The following DPP6 variants were observed in gnomAD, a reference collection of about 807,000 sequenced individuals.
The protein encoded by DPP6 is dipeptidyl peptidase like 6, also known as A-type potassium channel modulatory protein DPP6.
Under a neutral mutation model 122.6 loss-of-function variants are expected in DPP6, and 69 were observed. That is an observed-to-expected ratio of 0.56 (90% CI 0.46 to 0.69). The LOEUF (loss-of-function observed/expected upper bound fraction) is 0.69. Ranked by LOEUF, DPP6 falls within the 30% of genes least tolerant of loss-of-function variation. The probability of loss-of-function intolerance (pLI) is 0.00; values close to 1 mark genes in which losing one functional copy is unlikely to be tolerated. For synonymous variants in DPP6, 418 were observed against 433.1 expected (o/e 0.97, Z 0.43); for missense variants, 928 against 1,116.9 (o/e 0.83, Z 2.41).
chr7:153,918,566 GTCTCTCTCTCTCTCTCTCTCTC>G (rs59605527), intron 1 of DPP6, among the ~76,000 whole-genome samples: 3,675 of 104,296 alleles, frequency 0.035, 194 homozygotes, highest in African/African-American at 0.13. Flanking sequence ...CACACACACA[GTCTCTCTCTCTCTCTCTCTCTC>G]TCTCTCTCTC....
At chr7:154,594,464 G>A (rs923179660) in intron 5 of DPP6, among the ~76,000 whole-genome samples, 1 of 152,056 alleles carries the variant, frequency 6.6e-6, no homozygotes, top group Non-Finnish European at 1.5e-5. Context: ...ATGAATAAAA[G>A]GAAATTAGTT....
intron 1 of DPP6, among the ~76,000 whole-genome samples, chr7:153,983,609 C>G (rs1239628933): frequency 2.6e-5 from 4 of 151,906 alleles, no homozygotes; most frequent in African/African-American, 7.2e-5. Context: ...AAAAACTCCT[C>G]CAGCTAGCTT....
intron 1 of DPP6, among the ~76,000 whole-genome samples, chr7:153,932,564 C>T (rs1269486829): frequency 2.0e-5 from 3 of 152,142 alleles, no homozygotes; most frequent in African/African-American, 7.2e-5. Flanking sequence ...ATTGTCTTCT[C>T]TCATGTGTGG....
chr7:153,901,561 CTAATGA>C (rs1249175705), intron 1 of DPP6, among the ~76,000 whole-genome samples: 1 of 152,212 alleles, frequency 6.6e-6, no homozygotes, highest in Non-Finnish European at 1.5e-5. Flanking sequence ...GATAGGTCAA[CTAATGA>C]TAATGAAGAA....
At chr7:154,651,480 T>A (rs984106724) in intron 6 of DPP6, among the ~76,000 whole-genome samples, 1 of 152,114 alleles carries the variant, frequency 6.6e-6, no homozygotes, top group African/African-American at 2.4e-5. Flanking sequence ...TCCCCTTCCG[T>A]GGGCTAAACA....
At chr7:154,812,518 A>G (rs1046588698) in intron 16 of DPP6, among the ~76,000 whole-genome samples, 6 of 152,146 alleles carry the variant, frequency 3.9e-5, no homozygotes, top group Non-Finnish European at 7.4e-5. Flanking sequence ...CTTCTGGGTC[A>G]CAGATGACCA....
intron 5 of DPP6, among the ~76,000 whole-genome samples, chr7:154,576,396 A>G (rs1357568669): frequency 4.0e-5 from 6 of 151,884 alleles, no homozygotes; most frequent in Non-Finnish European, 7.4e-5. Context: ...GTCCCTTCCA[A>G]ATTCAGGGCC....
intron 2 of DPP6, among the ~76,000 whole-genome samples, chr7:154,458,746 A>G (rs931619108): frequency 6.6e-6 from 1 of 152,232 alleles, no homozygotes; most frequent in African/African-American, 2.4e-5. Context: ...GATCAGAACT[A>G]GAATGCTTAG....
intron 5 of DPP6, among the ~76,000 whole-genome samples, chr7:154,575,235 GGT>G (rs1435371137): frequency 0.013 from 1,552 of 117,106 alleles, 41 homozygotes; most frequent in African/African-American, 0.048. Flanking sequence ...GTGTGTGTGT[GGT>G]GTTTGTGTGG....
chr7:154,375,997 G>GC (rs1813098712), intron 1 of DPP6, among the ~76,000 whole-genome samples: 1 of 152,184 alleles, frequency 6.6e-6, no homozygotes, highest in African/African-American at 2.4e-5. Flanking sequence ...CAAGGTTGGT[G>GC]CATTTCACAT....
chr7:154,474,708 G>A (rs1391406158), intron 2 of DPP6, among the ~76,000 whole-genome samples: 2 of 152,100 alleles, frequency 1.3e-5, no homozygotes, highest in Non-Finnish European at 2.9e-5. Context: ...CATGCTGCAG[G>A]TGTGGGTGAG....
At chr7:154,397,028 C>A (rs1384726730) in intron 1 of DPP6, among the ~76,000 whole-genome samples, 1 of 151,348 alleles carries the variant, frequency 6.6e-6, no homozygotes, top group East Asian at 1.9e-4. Context: ...GAAATGGGAC[C>A]TGCTTTTGGA....
chr7:154,129,263 C>T (rs182744590), intron 1 of DPP6, among the ~76,000 whole-genome samples: 3,953 of 152,116 alleles, frequency 0.026, 155 homozygotes, highest in African/African-American at 0.09. Context: ...GTGACATTAA[C>T]AAGAGGCTTA....
chr7:154,729,189 A>G (rs1842216223), intron 8 of DPP6, among the ~76,000 whole-genome samples: 1 of 152,192 alleles, frequency 6.6e-6, no homozygotes, highest in African/African-American at 2.4e-5. Flanking sequence ...CATGGGGCTG[A>G]TGAACAACCC....
At chr7:153,797,868 G>A in the DPP6 span, among the ~76,000 whole-genome samples, 22 of 152,044 alleles carry the variant, frequency 1.4e-4, no homozygotes, top group African/African-American at 4.8e-4. Context: ...TTGAAATGGA[G>A]TCTCGCTCTG....
At position 154,456,757 on chromosome 7, in the gene DPP6, G is replaced by A. The variant is rs988596078; in HGVS notation, c.358+10429G>A. ...GGAAATAAGAATGCTTGTGATTTTT[G>A]TACATTGATTTTGTATCCTGAGACT... On this transcript the variant is annotated intron_variant, in intron 2 of 25. Coordinates refer to ENST00000377770, the MANE Select transcript of DPP6 (RefSeq NM_130797.4). Among the ~76,000 whole-genome samples, 2 of 19,160 alleles carry A rather than the reference G, an allele frequency of 1.0e-4. 1 individual carries two copies. The highest frequency in any genetic ancestry group is 2.3e-4 in the Non-Finnish European group (2 of 8,706). 12.6% of individuals were successfully genotyped at this position (19,160 alleles called of 152,430 possible).
chr7:154,766,111 C>T (rs189240132), intron 8 of DPP6, among the ~76,000 whole-genome samples: 84 of 152,246 alleles, frequency 5.5e-4, no homozygotes, highest in Non-Finnish European at 1.0e-3. Flanking sequence ...TGGCAAGGAG[C>T]GATGTGTTCA....
intron 1 of DPP6, among the ~76,000 whole-genome samples, chr7:154,274,359 T>A (rs1320476680): frequency 1.3e-5 from 2 of 152,188 alleles, no homozygotes; most frequent in African/African-American, 4.8e-5. Flanking sequence ...TTATTACAAA[T>A]GCAAATACAA....
rs1416210315 is a variant in DPP6, at chr7:154,483,804, C to T, written c.457+8767C>T. On this transcript the variant is annotated intron_variant, in intron 3 of 25. Transcript: ENST00000377770. The surrounding 1 kb of genome is among the most constrained non-coding windows in gnomAD (Gnocchi z 8.1). Reference sequence around the variant, plus strand: ...CCACCTCCCGGGTTCAAGCGATTCTCCTGCCTCAGCCTCCCTAGTAGCTGG... The same window carrying T: ...CCACCTCCCGGGTTCAAGCGATTCTTCTGCCTCAGCCTCCCTAGTAGCTGG... 2.0e-5 allele frequency among the ~76,000 whole-genome samples: 3 copies of T among 152,200 alleles called. No homozygotes were observed. Among genetic ancestry groups the T allele is most frequent in the African/African-American group, 7.2e-5 (3 of 41,450 alleles).
Sources: gnomAD v4.1 joint callset for allele counts (sites outside exome capture counted in the v4.1 genomes callset) on GRCh38, gnomAD v4.1.1 for gene constraint, Gnocchi (gnomAD v3.1) non-coding constraint, MANE v1.5 for transcripts, NCBI Gene and HGNC (gene_info 2026-07-23, HGNC 2026-07-21) for gene names.